Variants in DLGAP2 observed in about 807,000 individuals in gnomAD.
DLGAP2 encodes the protein disks large-associated protein 2.
A neutral mutation model predicts 100.3 loss-of-function variants in DLGAP2; 26 were observed. That is an observed-to-expected ratio of 0.26 (90% CI 0.19 to 0.36). The LOEUF (loss-of-function observed/expected upper bound fraction) is 0.36, where lower values mean the gene tolerates loss of function less well. Ranked by LOEUF, DLGAP2 falls within the 10% of genes least tolerant of loss-of-function variation. The pLI, the probability that DLGAP2 is intolerant of heterozygous loss-of-function variation, is 1.00. For missense variants in DLGAP2, 1,858 were observed against 1,453.2 expected (o/e 1.28, Z -4.53); for synonymous variants, 886 against 630.1 (o/e 1.41, Z -6.08).
chr8:863,355 T>C (rs954851260), intron 1 of DLGAP2, among the ~76,000 whole-genome samples: 1 of 152,206 alleles, frequency 6.6e-6, no homozygotes, highest in African/African-American at 2.4e-5. Flanking sequence ...CAACAAATAT[T>C]GATGACATCC....
At chr8:1,194,575 G>T (rs1279924444) in intron 2 of DLGAP2, among the ~76,000 whole-genome samples, 1 of 152,178 alleles carries the variant, frequency 6.6e-6, no homozygotes, top group Non-Finnish European at 1.5e-5. Context: ...CAGTCAGGAA[G>T]CCCTCAAGCA....
rs757886 is a variant in DLGAP2 at position 1,390,928 on chromosome 8, T to C, written c.107-110438T>C. Among the ~76,000 whole-genome samples, 474 of 152,280 alleles carry C rather than the reference T, an allele frequency of 3.1e-3. 12 individuals carry two copies. In the East Asian group the frequency reaches 0.051, roughly 16 times the overall value. Reference sequence around the variant, plus strand: ...GCAGGCAGCAACCTCAGAAGCCAAATTAAACACAGTCAGCATGGCAGCACT... The same window carrying C: ...GCAGGCAGCAACCTCAGAAGCCAAACTAAACACAGTCAGCATGGCAGCACT... On this transcript the variant is annotated intron_variant, in intron 3 of 14. Transcript: ENST00000637795.
At chr8:1,168,306 A>T (rs1380786942) in intron 2 of DLGAP2, among the ~76,000 whole-genome samples, 1 of 151,764 alleles carries the variant, frequency 6.6e-6, no homozygotes, top group African/African-American at 2.4e-5. Context: ...GTTGGTTCCA[A>T]GTCTTTGCTA....
At chr8:1,038,959 A>G (rs1802214240) in intron 2 of DLGAP2, among the ~76,000 whole-genome samples, 1 of 152,200 alleles carries the variant, frequency 6.6e-6, no homozygotes, top group Non-Finnish European at 1.5e-5. Flanking sequence ...TCCAAGTTGT[A>G]TTTAATTCTT....
intron 1 of DLGAP2, among the ~76,000 whole-genome samples, chr8:844,546 A>G (rs143421896): frequency 6.8e-4 from 103 of 152,038 alleles, no homozygotes; most frequent in African/African-American, 2.4e-3. Context: ...TCAAGGATCA[A>G]TAAGGTAGTA....
chr8:1,439,373 C>T (rs1163654227), intron 3 of DLGAP2, among the ~76,000 whole-genome samples: 3 of 152,180 alleles, frequency 2.0e-5, no homozygotes, highest in African/African-American at 4.8e-5. Context: ...ACAGTCATTG[C>T]CACGGTCCTG....
chr8:1,173,988 G>A (rs1487294372), intron 2 of DLGAP2, among the ~76,000 whole-genome samples: 4 of 152,272 alleles, frequency 2.6e-5, no homozygotes, highest in Non-Finnish European at 4.4e-5. Context: ...GCTGGGAGCT[G>A]TAGACTGGAG....
chr8:839,772 A>T (rs1796947202), intron 1 of DLGAP2, among the ~76,000 whole-genome samples: 1 of 152,118 alleles, frequency 6.6e-6, no homozygotes, highest in Non-Finnish European at 1.5e-5. Flanking sequence ...TTCATCACCC[A>T]CATGGGCATT....
intron 1 of DLGAP2, among the ~76,000 whole-genome samples, chr8:752,420 G>A (rs966965311): frequency 3.3e-5 from 5 of 152,174 alleles, no homozygotes; most frequent in East Asian, 3.9e-4. Context: ...CTTGCCCGCC[G>A]GAGAGCCACA....
At chr8:1,186,778 C>T (rs879716017) in intron 2 of DLGAP2, among the ~76,000 whole-genome samples, 4 of 152,156 alleles carry the variant, frequency 2.6e-5, no homozygotes, top group African/African-American at 4.8e-5. Flanking sequence ...TTGGACGTGT[C>T]TGGAGGTTCA....
intron 2 of DLGAP2, among the ~76,000 whole-genome samples, chr8:1,123,089 C>A (rs1796087414): frequency 1.3e-5 from 2 of 152,146 alleles, no homozygotes; most frequent in African/African-American, 4.8e-5. Flanking sequence ...CTATGCAAAT[C>A]TTTCTGTCAA....
At chr8:1,048,390 T>C (rs1802574406) in intron 2 of DLGAP2, among the ~76,000 whole-genome samples, 1 of 152,074 alleles carries the variant, frequency 6.6e-6, no homozygotes, top group Admixed American at 6.6e-5. Flanking sequence ...TTAGGGCCTC[T>C]CCTGGTCTCA....
chr8:1,021,081 CCA>C (rs1402460946), intron 2 of DLGAP2, among the ~76,000 whole-genome samples: 1 of 152,112 alleles, frequency 6.6e-6, no homozygotes, highest in Admixed American at 6.5e-5. Flanking sequence ...CTGGATTAGC[CCA>C]CAGTTTTGTT....
At chr8:833,438 G>A (rs756610653) in intron 1 of DLGAP2, among the ~76,000 whole-genome samples, 4 of 152,314 alleles carry the variant, frequency 2.6e-5, no homozygotes, top group Admixed American at 6.5e-5. Context: ...GTTTCTCAGC[G>A]TTTCCCAGCT....
At chr8:1,091,409 T>TG in intron 2 of DLGAP2, among the ~76,000 whole-genome samples, 1 of 152,264 alleles carries the variant, frequency 6.6e-6, no homozygotes, top group Non-Finnish European at 1.5e-5. Flanking sequence ...ATTCCTTTTC[T>TG]CAGTCTAGTA....
intron 2 of DLGAP2, among the ~76,000 whole-genome samples, chr8:1,177,887 G>C (rs983974051): frequency 6.6e-6 from 1 of 152,180 alleles, no homozygotes; most frequent in Non-Finnish European, 1.5e-5. Context: ...CTCCCTTTCA[G>C]CATATGAATT....
intron 1 of DLGAP2, among the ~76,000 whole-genome samples, chr8:789,301 C>T (rs1235657659): frequency 6.6e-6 from 1 of 152,226 alleles, no homozygotes; most frequent in South Asian, 2.1e-4. Flanking sequence ...AACTTACAAC[C>T]ATGGCGGAAG....
intron 10 of DLGAP2, among the ~76,000 whole-genome samples, chr8:1,674,262 C>G (rs1298107800): frequency 6.6e-6 from 1 of 152,186 alleles, no homozygotes; most frequent in Non-Finnish European, 1.5e-5. Flanking sequence ...CTAGGCTGGT[C>G]TCTAACGCCT....
intron 2 of DLGAP2, among the ~76,000 whole-genome samples, chr8:1,194,187 G>T (rs11777892): frequency 6.6e-6 from 1 of 151,866 alleles, no homozygotes; most frequent in African/African-American, 2.4e-5. Flanking sequence ...AGAAACTGCC[G>T]CCTGTGGGAG....
Sources: allele counts gnomAD v4.1 joint callset (sites outside exome capture counted in the v4.1 genomes callset), GRCh38; gene constraint gnomAD v4.1.1; transcripts MANE v1.5; gene names NCBI Gene and HGNC (gene_info 2026-07-23, HGNC 2026-07-21).